Variants in VPS50 observed in about 807,000 individuals in gnomAD.
VPS50 encodes the protein syndetin.
Under a neutral mutation model 139.7 loss-of-function variants are expected in VPS50, and 70 were observed. The ratio of observed to expected loss-of-function variants is 0.50; its 90% CI spans 0.41 to 0.61. The LOEUF (loss-of-function observed/expected upper bound fraction) is 0.61. VPS50 is among the 20% of genes least tolerant of loss of function. The probability of loss-of-function intolerance (pLI) is 0.00; values close to 1 mark genes in which losing one functional copy is unlikely to be tolerated. For synonymous variants in VPS50, 365 were observed against 376.7 expected (o/e 0.97, Z 0.36); for missense variants, 921 against 1,133.7 (o/e 0.81, Z 2.69).
chr7:93,323,849 A>C (rs1797690036), intron 21 of VPS50, 117 bp downstream of exon 21: 1 of 443,774 alleles, frequency 2.3e-6, no homozygotes, highest in Non-Finnish European at 3.7e-6. Flanking sequence ...GGGATTATGC[A>C]TCAAAAACAA....
chr7:93,296,796 A>G lies in VPS50; in HGVS notation c.1222A>G (p.Lys408Glu). The G allele has an allele frequency of 6.2e-7, 1 of 1,605,762 alleles. No homozygotes were observed. The part of the protein sequence containing the change: ...YLLGTDLSIF[K>E]YDDFIFVLDI... ...GCTTGGAACTGATTTGTCTATATTC[A>G]AATATGATGATTTCATCTTTGTTTT... Residue 408 changes from lysine to glutamate, a missense_variant, in exon 15 of 28, where the codon AAA becomes GAA. Transcript: ENST00000305866.
At chr7:93,344,238 ATTAC>A (rs979689108) in intron 23 of VPS50, among the ~76,000 whole-genome samples, 113 of 152,348 alleles carry the variant, frequency 7.4e-4, no homozygotes, top group African/African-American at 2.5e-3. Flanking sequence ...AAAGAAGGCC[ATTAC>A]TTAATGATAA....
At chr7:93,348,682 T>C (rs375691718) in intron 23 of VPS50, 29 bp from the exon 24 acceptor site, 9 of 1,403,258 alleles carry the variant, frequency 6.4e-6, no homozygotes, top group Middle Eastern at 1.8e-4. Flanking sequence ...CACAATTTGT[T>C]TACACAGTGG....
intron 12 of VPS50, among the ~76,000 whole-genome samples, chr7:93,286,552 G>C (rs186965592): frequency 2.7e-4 from 41 of 152,290 alleles, no homozygotes; most frequent in African/African-American, 9.9e-4. Context: ...ACTAGTGCCA[G>C]CTGGAATCCA....
chr7:93,294,234 G>A (rs546821028), intron 13 of VPS50, among the ~76,000 whole-genome samples: 18 of 152,098 alleles, frequency 1.2e-4, no homozygotes, highest in African/African-American at 4.3e-4. Context: ...CTTTTACATG[G>A]TCTTGCAGTA....
chr7:93,276,144 T>C, intron 11 of VPS50, 21 bp from the exon 12 acceptor site: 9 of 1,539,298 alleles, frequency 5.8e-6, no homozygotes, highest in Non-Finnish European at 7.9e-6. Flanking sequence ...AATTATGTTG[T>C]GCGTTTTTTT....
chr7:93,326,459 A>T (rs11980150), intron 21 of VPS50, among the ~76,000 whole-genome samples: 14,239 of 150,126 alleles, frequency 0.095, 1,653 homozygotes, highest in African/African-American at 0.27. Context: ...ATAATAAAAA[A>T]AAAATAAAAT....
At chr7:93,312,811 A>C (rs1562881787) in intron 20 of VPS50, among the ~76,000 whole-genome samples, 1 of 151,948 alleles carries the variant, frequency 6.6e-6, no homozygotes, top group Non-Finnish European at 1.5e-5. Flanking sequence ...TTCAGGCTCC[A>C]TGGGCTCAGT....
At chr7:93,277,655 G>A (rs1341538323) in intron 12 of VPS50, among the ~76,000 whole-genome samples, 3 of 152,030 alleles carry the variant, frequency 2.0e-5, no homozygotes, top group Non-Finnish European at 4.4e-5. Flanking sequence ...ATGTTAATAC[G>A]GCTAAAAATA....
At chr7:93,253,288 AG>A (rs1795389291) in intron 3 of VPS50, among the ~76,000 whole-genome samples, 1 of 152,194 alleles carries the variant, frequency 6.6e-6, no homozygotes, top group Non-Finnish European at 1.5e-5. Flanking sequence ...CTCAGTTTGA[AG>A]TTTCATCAGT....
chr7:93,336,239 A>G (rs1476226500), intron 22 of VPS50, among the ~76,000 whole-genome samples: 4 of 152,212 alleles, frequency 2.6e-5, no homozygotes, highest in African/African-American at 9.7e-5. Context: ...TTTTCTCCAT[A>G]TAGATATTCT....
chr7:93,322,919 A>G (rs1213245310), intron 20 of VPS50, among the ~76,000 whole-genome samples: 1 of 152,114 alleles, frequency 6.6e-6, no homozygotes, highest in African/African-American at 2.4e-5. Flanking sequence ...TTCTGTGAGT[A>G]TATCTGATTA....
chr7:93,261,420 G>T (rs546817619), intron 9 of VPS50, among the ~76,000 whole-genome samples: 262 of 151,226 alleles, frequency 1.7e-3, no homozygotes, highest in African/African-American at 4.7e-3. Flanking sequence ...GCTCACGCTT[G>T]TAATCCCAGC....
intron 5 of VPS50, 92 bp downstream of exon 5, chr7:93,256,654 A>G (rs1165127286): frequency 8.7e-6 from 6 of 686,852 alleles, no homozygotes; most frequent in South Asian, 5.6e-5. Flanking sequence ...TTTTTTGTCA[A>G]TAATTCTGTA....
At chr7:93,308,795 C>A in intron 18 of VPS50, 29 bp from the exon 19 acceptor site, 1 of 1,289,970 alleles carries the variant, frequency 7.8e-7, no homozygotes, top group South Asian at 1.2e-5. Context: ...CCTTTATACT[C>A]ATTTTTTAAT....
intron 1 of VPS50, among the ~76,000 whole-genome samples, chr7:93,235,933 T>C (rs1794786524): frequency 6.6e-6 from 1 of 151,748 alleles, no homozygotes; most frequent in South Asian, 2.1e-4. Context: ...GAATCTAAGG[T>C]TGGAGCTTTT....
intron 23 of VPS50, among the ~76,000 whole-genome samples, chr7:93,346,486 T>C (rs1275353606): frequency 6.6e-6 from 1 of 152,162 alleles, no homozygotes; most frequent in Non-Finnish European, 1.5e-5. Context: ...TTAAAGTTCA[T>C]ATGGAACCAA....
At chr7:93,339,889 A>T (rs1798166341) in intron 22 of VPS50, among the ~76,000 whole-genome samples, 1 of 151,840 alleles carries the variant, frequency 6.6e-6, no homozygotes, top group African/African-American at 2.4e-5. Flanking sequence ...CTTTTATTCT[A>T]TTTTTTTTCT....
intron 20 of VPS50, among the ~76,000 whole-genome samples, chr7:93,316,044 G>T (rs1389069235): frequency 6.6e-6 from 1 of 152,096 alleles, no homozygotes; most frequent in African/African-American, 2.4e-5. Context: ...TCCTTTTTGG[G>T]TAGGAAGTGA....
Sources: gnomAD v4.1 joint callset for allele counts (sites outside exome capture counted in the v4.1 genomes callset) on GRCh38, gnomAD v4.1.1 for gene constraint, MANE v1.5 for transcripts, NCBI Gene and HGNC (gene_info 2026-07-23, HGNC 2026-07-21) for gene names.